The following MSANTD1 variants were observed in gnomAD, a reference collection of about 807,000 sequenced individuals.
MSANTD1 encodes Myb/SANT DNA binding domain containing 1.
In MSANTD1, 7 loss-of-function variants were observed where a neutral mutation model predicts 24.2. The observed-to-expected ratio is 0.29, with a 90% CI of 0.16 to 0.54. MSANTD1 has a LOEUF of 0.54. MSANTD1 is among the 20% of genes least tolerant of loss of function. MSANTD1 has a pLI of 0.94. For synonymous variants in MSANTD1, 177 were observed against 181.1 expected (o/e 0.98, Z 0.18); for missense variants, 384 against 408.2 (o/e 0.94, Z 0.51).
chr4:3,253,609 AGCGCCTCCAGGGACAG>A lies in MSANTD1; in HGVS notation c.596+131_596+146del, dbSNP rs1337407191. 3.9e-6 allele frequency: 4 copies of A among 1,025,266 alleles called. No homozygotes were observed. The East Asian group carries it at 8.6e-5, about 22-fold the overall frequency. 63.5% of individuals were successfully genotyped at this position (1,025,266 alleles called of 1,614,324 possible). ...GGTTGCAGAGGCCGTGGCTGCGGGCAGCGCCTCCAGGGACAGGCGGCCTCAGACCAGGGAGGGCTTT... is the reference window on the plus strand; with the variant it reads ...GGTTGCAGAGGCCGTGGCTGCGGGCAGCGGCCTCAGACCAGGGAGGGCTTT... On this transcript the variant is annotated intron_variant, in intron 2 of 2. Coordinates refer to ENST00000438480, the MANE Select transcript of MSANTD1 (RefSeq NM_001042690.2).
At chr4:3,251,860 G>A (rs1031875654) in intron 1 of MSANTD1, among the ~76,000 whole-genome samples, 3 of 152,146 alleles carry the variant, frequency 2.0e-5, no homozygotes, top group African/African-American at 7.2e-5. Context: ...GCTGGCTCAA[G>A]TAGGGCAGAG....
chr4:3,247,227 C>T (rs561047180), upstream of MSANTD1, among the ~76,000 whole-genome samples: 1 of 152,174 alleles, frequency 6.6e-6, no homozygotes, highest in Non-Finnish European at 1.5e-5. Context: ...GATCCTGTTA[C>T]CCCTGTTGTG....
In MSANTD1 at chr4:3,254,117, A is replaced by G. The variant is rs551476518; in HGVS notation, c.596+635A>G. The stretch of plus-strand genomic sequence containing the variant: ...CGGGGTGGGCCTGGGGAGCCCAGAG[A>G]AGGTGCTTTTGAGGAGGGGACATTT... On this transcript the variant is annotated intron_variant, in intron 2 of 2. Coordinates refer to ENST00000438480, the MANE Select transcript of MSANTD1 (RefSeq NM_001042690.2). 3.3e-5 allele frequency among the ~76,000 whole-genome samples: 5 copies of G among 152,222 alleles called. No homozygotes were observed. In the South Asian group the frequency reaches 6.2e-4, roughly 19 times the overall value.
At chr4:3,246,780 G>A (rs1722043115), upstream of MSANTD1, 2 of 619,412 alleles carry the variant, frequency 3.2e-6, no homozygotes, top group African/African-American at 1.8e-5. Context: ...CCTCACATTG[G>A]AGGTCAGTGT....
intron 1 of MSANTD1, among the ~76,000 whole-genome samples, chr4:3,251,208 G>A (rs890280640): frequency 1.3e-5 from 2 of 152,250 alleles, no homozygotes; most frequent in African/African-American, 2.4e-5. Flanking sequence ...AGGAAGGGAC[G>A]CAGAGGGCAG....
chr4:3,249,605 C>G (rs1722157561), intron 1 of MSANTD1, 63 bp downstream of exon 1: 1 of 1,474,542 alleles, frequency 6.8e-7, no homozygotes, highest in East Asian at 2.3e-5. Flanking sequence ...CGGGCCGCTC[C>G]TGACTTTCTT....
At chr4:3,252,827 C>T (rs562129001) in intron 1 of MSANTD1, among the ~76,000 whole-genome samples, 1 of 152,298 alleles carries the variant, frequency 6.6e-6, no homozygotes, top group Admixed American at 6.5e-5. Flanking sequence ...TACAATAAAA[C>T]CTTATTACTC....
At chr4:3,250,431 C>T (rs1178366468) in intron 1 of MSANTD1, among the ~76,000 whole-genome samples, 2 of 152,106 alleles carry the variant, frequency 1.3e-5, no homozygotes, top group African/African-American at 2.4e-5. Context: ...AGGACAGGGT[C>T]CCGGGTGGGC....
chr4:3,254,354 C>A (rs953337581), intron 2 of MSANTD1, among the ~76,000 whole-genome samples: 2 of 152,218 alleles, frequency 1.3e-5, no homozygotes, highest in Non-Finnish European at 2.9e-5. Flanking sequence ...TCATTGAAGA[C>A]CTGAGACAAA....
rs546335894 is a variant in MSANTD1 at position 3,255,882 on chromosome 4, C to T, written c.754C>T (p.His252Tyr). ...GGTGCGCCGCGTGCTGGACCAGCAG[C>T]ACATCCTGCAGGTGCAGAGCCTGCA... Reference protein sequence around the residue: ...REVRRVLDQQHILQVQSLQLQ... With the variant: ...REVRRVLDQQYILQVQSLQLQ... Residue 252 changes from histidine to tyrosine, a missense_variant, in exon 3 of 3, where the codon CAC becomes TAC. Transcript: ENST00000438480. 1.9e-6 allele frequency: 3 copies of T among 1,545,734 alleles called. No individual in the cohort carries two copies. The African/African-American group carries it at 4.1e-5, about 21-fold the overall frequency.
At chr4:3,249,732 T>C (rs1246860632) in intron 1 of MSANTD1, among the ~76,000 whole-genome samples, 190 bp downstream of exon 1, 1 of 152,212 alleles carries the variant, frequency 6.6e-6, no homozygotes, top group Non-Finnish European at 1.5e-5. Context: ...GTGTGCAGCC[T>C]TCCATTGGGG....
chr4:3,252,240 C>T (rs1722250574), intron 1 of MSANTD1, among the ~76,000 whole-genome samples: 1 of 152,250 alleles, frequency 6.6e-6, no homozygotes, highest in Admixed American at 6.5e-5. Flanking sequence ...GTGGCTTCTT[C>T]CCTGGCCTGG....
At chr4:3,244,373 G>A (rs1721952730), upstream of MSANTD1, 1 of 152,366 alleles carries the variant, frequency 6.6e-6, no homozygotes, top group Non-Finnish European at 1.5e-5. Context: ...CCAGCACAGA[G>A]ACTAGAGCTG....
chr4:3,249,636 T>G (rs1321538043), intron 1 of MSANTD1, 94 bp downstream of exon 1: 1 of 1,273,210 alleles, frequency 7.9e-7, no homozygotes. Context: ...GTCGGGACGA[T>G]GTGTGGGTCG....
At chr4:3,250,132 T>G (rs746458497) in intron 1 of MSANTD1, among the ~76,000 whole-genome samples, 1 of 152,062 alleles carries the variant, frequency 6.6e-6, no homozygotes, top group Non-Finnish European at 1.5e-5. Context: ...GGTGGGGTAT[T>G]TCCAGAAATC....
intron 1 of MSANTD1, 113 bp from the exon 2 acceptor site, chr4:3,253,094 C>G: frequency 5.2e-6 from 6 of 1,159,750 alleles, no homozygotes; most frequent in Non-Finnish European, 3.5e-6. Flanking sequence ...CCTTGCCAGC[C>G]GAGAGCGGCT....
chr4:3,256,131 C>T lies in MSANTD1; in HGVS notation c.*166C>T. On this transcript the variant is annotated 3_prime_UTR_variant, in exon 3 of 3. Coordinates refer to ENST00000438480, the MANE Select transcript of MSANTD1 (RefSeq NM_001042690.2). ...CCCTTCTGAGGGGTATTTTGAGGAA[C>T]CCCCAGGCCCTGGGGACCGTGAGGC... 3 of 803,746 alleles carry T rather than the reference C, an allele frequency of 3.7e-6. No homozygotes were observed. Among genetic ancestry groups the T allele is most frequent in the East Asian group, 6.5e-5 (2 of 30,670 alleles). The allele number at this position is 803,746 out of a possible 1,614,324, so 49.8% of individuals were successfully genotyped here. A position where few individuals can be genotyped will look rare whatever the true frequency, so the allele number is the denominator to read the frequency against.
At chr4:3,255,682 G>A in intron 2 of MSANTD1, 43 bp from the exon 3 acceptor site, 2 of 1,487,128 alleles carry the variant, frequency 1.3e-6, no homozygotes, top group South Asian at 2.7e-5. Flanking sequence ...GGTGTGCCCA[G>A]GCTCTGTGGC....
chr4:3,253,791 C>A (rs1474888753), intron 2 of MSANTD1, among the ~76,000 whole-genome samples: 1 of 152,230 alleles, frequency 6.6e-6, no homozygotes, highest in African/African-American at 2.4e-5. Context: ...TGGCTGGGAG[C>A]ATCACAGGAG....
Sources: gnomAD v4.1 joint callset for allele counts (sites outside exome capture counted in the v4.1 genomes callset) on GRCh38, gnomAD v4.1.1 for gene constraint, MANE v1.5 for transcripts, NCBI Gene and HGNC (gene_info 2026-07-23, HGNC 2026-07-21) for gene names.